The following DIP2C variants were observed in gnomAD, a reference collection of about 807,000 sequenced individuals.
DIP2C encodes DIP2 acetate--CoA ligase C (putative), also known as disco-interacting protein 2 homolog C.
Under a neutral mutation model 192.4 loss-of-function variants are expected in DIP2C, and 33 were observed. That is an observed-to-expected ratio of 0.17 (90% CI 0.13 to 0.23). The LOEUF is 0.23. DIP2C is among the 10% of genes least tolerant of loss of function. The probability of loss-of-function intolerance (pLI) is 1.00; values close to 1 mark genes in which losing one functional copy is unlikely to be tolerated. For synonymous variants in DIP2C, 979 were observed against 864.1 expected (o/e 1.13, Z -2.33); for missense variants, 1,537 against 2,110.1 (o/e 0.73, Z 5.32).
At chr10:468,084 C>T (rs1381830703) in intron 3 of DIP2C, among the ~76,000 whole-genome samples, 1 of 152,160 alleles carries the variant, frequency 6.6e-6, no homozygotes, top group Non-Finnish European at 1.5e-5. Flanking sequence ...TGAATGATTC[C>T]AGTCTTCGCG....
In DIP2C at chr10:348,581, T is replaced by G; in HGVS notation, c.3231+60A>C. 3 of 1,580,340 alleles carry G rather than the reference T, an allele frequency of 1.9e-6. No homozygotes were observed. In the South Asian group the frequency reaches 3.5e-5, roughly 19 times the overall value. On this transcript the variant is annotated intron_variant, in intron 26 of 36. Coordinates refer to ENST00000280886, the MANE Select transcript of DIP2C (RefSeq NM_014974.3). Reference sequence around the variant, plus strand: ...CCCAAGAGATGTCAGAGTCTGCGCGTTGCAAGCTCCACACTCAGCTCCAGG... The same window carrying G: ...CCCAAGAGATGTCAGAGTCTGCGCGGTGCAAGCTCCACACTCAGCTCCAGG...
At chr10:325,917 C>G (rs1233305098) in intron 31 of DIP2C, among the ~76,000 whole-genome samples, 3 of 152,254 alleles carry the variant, frequency 2.0e-5, no homozygotes, top group Non-Finnish European at 4.4e-5. Flanking sequence ...TGCAGTGGCT[C>G]ACGTCTGTAA....
chr10:459,246 C>T (rs1255148575), intron 3 of DIP2C, among the ~76,000 whole-genome samples: 1 of 151,968 alleles, frequency 6.6e-6, no homozygotes, highest in Non-Finnish European at 1.5e-5. Context: ...ACTGTGCACT[C>T]AGGAGACAAA....
intron 1 of DIP2C, among the ~76,000 whole-genome samples, chr10:612,702 G>T (rs998221504): frequency 6.6e-6 from 1 of 152,138 alleles, no homozygotes; most frequent in African/African-American, 2.4e-5. Context: ...TTACTCCGCC[G>T]ACTGTGTCTA....
intron 1 of DIP2C, among the ~76,000 whole-genome samples, chr10:606,463 G>A (rs11812418): frequency 0.027 from 3,651 of 133,178 alleles, 127 homozygotes; most frequent in African/African-American, 0.088. Flanking sequence ...GCCCCGCTGC[G>A]GTAATTACCT....
intron 1 of DIP2C, among the ~76,000 whole-genome samples, chr10:503,762 G>T (rs574346575): frequency 6.6e-6 from 1 of 152,114 alleles, no homozygotes; most frequent in Admixed American, 6.5e-5. Context: ...ATTTGTAACC[G>T]CATTTTTACA....
chr10:490,288 G>T (rs1042038686), intron 1 of DIP2C, among the ~76,000 whole-genome samples: 5 of 152,164 alleles, frequency 3.3e-5, no homozygotes, highest in Admixed American at 3.3e-4. Context: ...CTCACCTTGC[G>T]TCCATCAGGG....
intron 17 of DIP2C, among the ~76,000 whole-genome samples, chr10:371,292 C>T (rs1960923116): frequency 1.3e-5 from 2 of 152,146 alleles, no homozygotes; most frequent in Admixed American, 6.5e-5. Flanking sequence ...AATCGTGTCC[C>T]CGCAAAAGAT....
intron 3 of DIP2C, among the ~76,000 whole-genome samples, chr10:444,851 T>C (rs1182710141): frequency 6.6e-6 from 1 of 152,270 alleles, no homozygotes; most frequent in African/African-American, 2.4e-5. Context: ...ATTTACGTTG[T>C]TTCCAGTTTT....
At chr10:414,213 T>A in intron 7 of DIP2C, 103 bp from the exon 8 acceptor site, 1 of 1,305,130 alleles carries the variant, frequency 7.7e-7, no homozygotes, top group South Asian at 1.5e-5. Flanking sequence ...ACTTAAGCTG[T>A]ACATTTATTA....
chr10:357,686 A>G (rs1589595903), intron 23 of DIP2C, 142 bp downstream of exon 23: 1 of 590,638 alleles, frequency 1.7e-6, no homozygotes, highest in Non-Finnish European at 2.9e-6. Context: ...ACTGTCGGGG[A>G]CGGTTGCGGA....
At chr10:341,701 T>A (rs561606120) in intron 28 of DIP2C, among the ~76,000 whole-genome samples, 1 of 152,330 alleles carries the variant, frequency 6.6e-6, no homozygotes, top group African/African-American at 2.4e-5. Flanking sequence ...AAGACATCTT[T>A]AAGACAATAA....
intron 1 of DIP2C, among the ~76,000 whole-genome samples, chr10:623,572 T>C (rs1186387505): frequency 5.0e-5 from 2 of 39,722 alleles, no homozygotes; most frequent in African/African-American, 1.1e-4. Flanking sequence ...AGGGGAGGGA[T>C]GCAGGGCTGA....
chr10:281,396 A>G (rs549878614), intron 35 of DIP2C, 73 bp from the exon 36 acceptor site: 4 of 1,511,418 alleles, frequency 2.6e-6, no homozygotes, highest in East Asian at 2.4e-5. Context: ...TTCTTAAAAA[A>G]AGATTAAAAA....
chr10:588,019 C>G (rs1314271500), intron 1 of DIP2C, among the ~76,000 whole-genome samples: 1 of 15,674 alleles, frequency 6.4e-5, no homozygotes. Flanking sequence ...TCCACACCAG[C>G]CACTGCCTCA....
chr10:500,944 G>A (rs1033779159), intron 1 of DIP2C, among the ~76,000 whole-genome samples: 12 of 152,214 alleles, frequency 7.9e-5, no homozygotes, highest in African/African-American at 2.7e-4. Flanking sequence ...AAAAAGGCTT[G>A]TAGTTAATTT....
At chr10:623,120 A>G (rs892163290) in intron 1 of DIP2C, among the ~76,000 whole-genome samples, 2 of 152,192 alleles carry the variant, frequency 1.3e-5, no homozygotes. Flanking sequence ...GGAGCCAGTG[A>G]GGTGGCTGCA....
At chr10:418,371 C>T (rs949506672) in intron 6 of DIP2C, among the ~76,000 whole-genome samples, 6 of 150,710 alleles carry the variant, frequency 4.0e-5, no homozygotes, top group East Asian at 3.9e-4. Context: ...CTGTGAGTCC[C>T]GTGCACCGCA....
Position 689,496 on chromosome 10 carries a change from T to C in DIP2C, c.83A>G (p.Glu28Gly). The C allele has an allele frequency of 7.9e-7, 1 of 1,260,048 alleles. No individual in the cohort carries two copies. The highest frequency in any genetic ancestry group is 1.0e-6 in the Non-Finnish European group (1 of 983,974). 78.1% of individuals were successfully genotyped at this position (1,260,048 alleles called of 1,614,324 possible). A position where few individuals can be genotyped will look rare whatever the true frequency, so the allele number is the denominator to read the frequency against. Residue 28 changes from glutamate to glycine, a missense_variant and splice_region_variant, in exon 1 of 37, where the codon GAA becomes GGA. By Grantham distance (98) the Glu-to-Gly change is moderately conservative. This residue lies in a region of DIP2C where 473 missense variants were observed against 539.6 expected (regional missense o/e 0.88). Transcript: ENST00000280886. This position sits in a 1 kb window ranked among gnomAD's most constrained non-coding sequence, Gnocchi z 6.1. The stretch of plus-strand genomic sequence containing the variant: ...GCCCGGGGCGGGGGCCCGGTTACCT[T>C]CCGACAGCTCCAGCTCCAGCTCGGC... ...RLAELELELS[E>G]GDITQKGYEK...
Sources: gnomAD v4.1 joint callset for allele counts (sites outside exome capture counted in the v4.1 genomes callset) on GRCh38, gnomAD v4.1.1 for gene constraint, gnomAD v4.1.1 regional missense constraint, Gnocchi (gnomAD v3.1) non-coding constraint, MANE v1.5 for transcripts, NCBI Gene and HGNC (gene_info 2026-07-23, HGNC 2026-07-21) for gene names.